Variants in ERBB4 observed in about 807,000 individuals in gnomAD.
ERBB4 encodes receptor tyrosine-protein kinase erbB-4.
In ERBB4, 42 loss-of-function variants were observed where a neutral mutation model predicts 158.0. The observed-to-expected ratio is 0.27, with a 90% CI of 0.21 to 0.34. ERBB4 has a LOEUF of 0.34. ERBB4 is among the 10% of genes least tolerant of loss of function. The pLI, the probability that ERBB4 is intolerant of heterozygous loss-of-function variation, is 1.00. For synonymous variants in ERBB4, 583 were observed against 558.7 expected (o/e 1.04, Z -0.61); for missense variants, 1,333 against 1,624.1 (o/e 0.82, Z 3.08).
chr2:211,567,219 A>G (rs2067574671), intron 19 of ERBB4, among the ~76,000 whole-genome samples: 2 of 152,202 alleles, frequency 1.3e-5, no homozygotes. Context: ...CAGGATTTTT[A>G]TTCTGACTGT....
In ERBB4 at chr2:211,649,840, A is replaced by C. The variant is rs2070917711; in HGVS notation, c.1946+7914T>G. On this transcript the variant is annotated intron_variant, in intron 16 of 27. Coordinates refer to ENST00000342788, the MANE Select transcript of ERBB4 (RefSeq NM_005235.3). Reference sequence around the variant, plus strand: ...TGAGTTACTGCAAAATTACAATGAAATTACACCTCTTTGGGTTTAAGGGTA... The same window carrying C: ...TGAGTTACTGCAAAATTACAATGAACTTACACCTCTTTGGGTTTAAGGGTA... Among the ~76,000 whole-genome samples the C allele has an allele frequency of 3.3e-5, 5 of 151,876 alleles. No homozygotes were observed. The South Asian group carries it at 1.0e-3, about 31-fold the overall frequency.
intron 2 of ERBB4, among the ~76,000 whole-genome samples, chr2:211,979,235 T>C (rs2081721538): frequency 6.6e-6 from 1 of 152,186 alleles, no homozygotes; most frequent in African/African-American, 2.4e-5. Flanking sequence ...TAGTTATACA[T>C]TCAAGACAGA....
Position 211,561,930 on chromosome 2 carries a change from C to T in ERBB4, c.2460G>A (p.Leu820=), listed in dbSNP as rs1337018660. ...EHKDNIGSQL[L]LNWCVQIAKG... is the part of the protein sequence containing the mutation. Reference sequence around the variant, plus strand: ...TAGCTATCTGGACACACCAGTTAAGCAGCAGTTGTGATCCAATGTTATCCT... The same window carrying T: ...TAGCTATCTGGACACACCAGTTAAGTAGCAGTTGTGATCCAATGTTATCCT... The change falls in exon 20 of 28, where the codon CTG becomes CTA. Residue 820 remains leucine, a synonymous_variant. Transcript: ENST00000342788. The T allele has an allele frequency of 6.2e-7, 1 of 1,614,044 alleles. No homozygotes were observed. Among genetic ancestry groups the T allele is most frequent in the Non-Finnish European group, 8.5e-7 (1 of 1,180,000 alleles).
chr2:212,411,771 C>T (rs1413321687), intron 1 of ERBB4, among the ~76,000 whole-genome samples: 1 of 152,044 alleles, frequency 6.6e-6, no homozygotes, highest in African/African-American at 2.4e-5. Context: ...CTGAAGTTCC[C>T]CTGACAAGGG....
chr2:211,469,980 C>T (rs956854750), intron 20 of ERBB4, among the ~76,000 whole-genome samples: 4 of 151,524 alleles, frequency 2.6e-5, no homozygotes, highest in African/African-American at 4.8e-5. Flanking sequence ...TGGGGTATTC[C>T]GGTTATAATC....
intron 3 of ERBB4, among the ~76,000 whole-genome samples, chr2:211,797,878 T>A (rs1204008401): frequency 6.6e-6 from 1 of 152,048 alleles, no homozygotes; most frequent in East Asian, 1.9e-4. Flanking sequence ...AATAATTGAA[T>A]AACAGTAATC....
At chr2:212,153,113 A>T (rs990183806) in intron 1 of ERBB4, among the ~76,000 whole-genome samples, 1 of 152,230 alleles carries the variant, frequency 6.6e-6, no homozygotes, top group Non-Finnish European at 1.5e-5. Context: ...GTTATGCAGC[A>T]TTACTGTGGA....
chr2:211,929,938 A>T (rs549345448), intron 3 of ERBB4, among the ~76,000 whole-genome samples: 3 of 152,260 alleles, frequency 2.0e-5, no homozygotes, highest in Non-Finnish European at 2.9e-5. Flanking sequence ...CTATTTTGCT[A>T]TATCTCTCTC....
chr2:211,761,548 T>A (rs1010514698), intron 4 of ERBB4, among the ~76,000 whole-genome samples: 2 of 152,230 alleles, frequency 1.3e-5, no homozygotes, highest in African/African-American at 4.8e-5. Context: ...ACGTAGCATG[T>A]TTCTAGTCAA....
intron 17 of ERBB4, among the ~76,000 whole-genome samples, chr2:211,626,916 C>T (rs1049991694): frequency 6.7e-6 from 1 of 148,620 alleles, no homozygotes; most frequent in African/African-American, 2.5e-5. Flanking sequence ...CAGAGCAAGA[C>T]TCCATCTCAA....
chr2:211,527,839 A>G (rs11901426), intron 20 of ERBB4, among the ~76,000 whole-genome samples: 4,145 of 152,126 alleles, frequency 0.027, 179 homozygotes, highest in African/African-American at 0.094. Context: ...TGGTAACCTC[A>G]AATTTTAAAA....
intron 20 of ERBB4, among the ~76,000 whole-genome samples, chr2:211,466,948 T>G (rs1258290945): frequency 2.6e-5 from 4 of 152,104 alleles, no homozygotes; most frequent in Admixed American, 6.6e-5. Flanking sequence ...AGTGGCAATA[T>G]TGTAAAGCAA....
intron 5 of ERBB4, 115 bp from the exon 6 acceptor site, chr2:211,725,309 T>A: frequency 1.2e-6 from 1 of 814,968 alleles, no homozygotes; most frequent in Non-Finnish European, 2.2e-6. Flanking sequence ...AGCAAACATT[T>A]AATGAATGAG....
intron 1 of ERBB4, among the ~76,000 whole-genome samples, chr2:212,306,506 T>C (rs1470785653): frequency 6.6e-6 from 1 of 151,454 alleles, no homozygotes; most frequent in African/African-American, 2.4e-5. Flanking sequence ...AGCAATGAAA[T>C]TGCATTTTCA....
chr2:212,330,334 G>A (rs1343745710), intron 1 of ERBB4, among the ~76,000 whole-genome samples: 1 of 152,042 alleles, frequency 6.6e-6, no homozygotes, highest in African/African-American at 2.4e-5. Flanking sequence ...GCAAGATTAG[G>A]GGGCTAGCCG....
chr2:211,760,033 T>A (rs915240879), intron 4 of ERBB4, among the ~76,000 whole-genome samples: 14 of 152,208 alleles, frequency 9.2e-5, no homozygotes, highest in Admixed American at 5.2e-4. Context: ...CACTGGTACA[T>A]GTAGGAGATA....
At chr2:211,483,159 C>A (rs148666592) in intron 20 of ERBB4, among the ~76,000 whole-genome samples, 2 of 151,714 alleles carry the variant, frequency 1.3e-5, no homozygotes, top group African/African-American at 4.8e-5. Context: ...GAAATAGGAA[C>A]CATCAAAATA....
intron 1 of ERBB4, among the ~76,000 whole-genome samples, chr2:212,215,332 G>A (rs1297339036): frequency 6.6e-6 from 1 of 151,416 alleles, no homozygotes; most frequent in Non-Finnish European, 1.5e-5. Flanking sequence ...ATATAATTAT[G>A]TACATTGAAA....
chr2:212,194,291 T>TATAC (rs1553590760), intron 1 of ERBB4, among the ~76,000 whole-genome samples: 2 of 148,728 alleles, frequency 1.3e-5, no homozygotes, highest in African/African-American at 5.0e-5. Context: ...AAATAGTTTA[T>TATAC]ACACACACAC....
Sources: gnomAD v4.1 joint callset for allele counts (sites outside exome capture counted in the v4.1 genomes callset) on GRCh38, gnomAD v4.1.1 for gene constraint, MANE v1.5 for transcripts, NCBI Gene and HGNC (gene_info 2026-07-23, HGNC 2026-07-21) for gene names.